C21orf91: variants seen among roughly 807,000 people sequenced by gnomAD.
The protein encoded by C21orf91 is chromosome 21 open reading frame 91.
Under a neutral mutation model 32.9 loss-of-function variants are expected in C21orf91, and 26 were observed. The ratio of observed to expected loss-of-function variants is 0.79; its 90% CI spans 0.58 to 1.10. C21orf91 has a LOEUF of 1.10. Among genes scored for constraint, C21orf91 ranks in the 50% least tolerant of loss-of-function variants. The probability of loss-of-function intolerance (pLI) is 0.00; values close to 1 mark genes in which losing one functional copy is unlikely to be tolerated. For missense variants in C21orf91, 310 were observed against 341.3 expected (o/e 0.91, Z 0.72); for synonymous variants, 126 against 120.4 (o/e 1.05, Z -0.31).
intron 4 of C21orf91, among the ~76,000 whole-genome samples, chr21:17,793,993 C>A (rs1396245706): frequency 6.6e-6 from 1 of 152,170 alleles, no homozygotes; most frequent in Non-Finnish European, 1.5e-5. Flanking sequence ...AGTTTTGAAT[C>A]CTTGTTCCTA....
chr21:17,812,543 C>G (rs1409614904), intron 2 of C21orf91, among the ~76,000 whole-genome samples: 1 of 152,182 alleles, frequency 6.6e-6, no homozygotes, highest in Non-Finnish European at 1.5e-5. Context: ...GGCGCGGTGG[C>G]TCACGCCTGT....
intron 2 of C21orf91, among the ~76,000 whole-genome samples, chr21:17,807,144 T>C (rs567600845): frequency 7.2e-5 from 11 of 152,332 alleles, no homozygotes; most frequent in Admixed American, 3.9e-4. Context: ...TCGATTTGTG[T>C]TCCCACCCAA....
chr21:17,793,599 A>G lies in C21orf91; in HGVS notation c.728-18T>C, dbSNP rs769395784. The G allele has an allele frequency of 6.4e-7, 1 of 1,574,272 alleles. No individual in the cohort carries two copies. Among genetic ancestry groups the G allele is most frequent in the South Asian group, 1.1e-5 (1 of 89,188 alleles). ...AAAAACTTCTGTAAAAGATTTAAAA[A>G]CTTTCATTTTTAGTATGCAGAAAGC... On this transcript the variant is annotated intron_variant, in intron 4 of 4. Coordinates refer to ENST00000284881, the MANE Select transcript of C21orf91 (RefSeq NM_001100420.2).
intron 2 of C21orf91, among the ~76,000 whole-genome samples, chr21:17,814,705 C>T (rs1354044867): frequency 1.3e-5 from 2 of 152,138 alleles, no homozygotes; most frequent in African/African-American, 4.8e-5. Flanking sequence ...AACTCACTCA[C>T]TGACTATCAT....
intron 2 of C21orf91, among the ~76,000 whole-genome samples, chr21:17,809,142 C>T (rs1320100863): frequency 6.6e-6 from 1 of 152,074 alleles, no homozygotes; most frequent in Non-Finnish European, 1.5e-5. Flanking sequence ...CATAAATTAC[C>T]CAGTCTCAGG....
chr21:17,818,334 A>C lies in C21orf91; in HGVS notation c.-7-9T>G. 1.3e-6 allele frequency: 2 copies of C among 1,594,648 alleles called. No homozygotes were observed. Among genetic ancestry groups the C allele is most frequent in the Non-Finnish European group, 1.7e-6 (2 of 1,170,236 alleles). On this transcript the variant is annotated splice_polypyrimidine_tract_variant and intron_variant, in intron 1 of 4. Transcript: ENST00000284881. ...CTTCGTTCATAGTGCCCCTATTAAG[A>C]AACAGAAAAGGAAAGTTACACAATT...
intron 4 of C21orf91, among the ~76,000 whole-genome samples, chr21:17,794,457 C>CA (rs1305947792): frequency 2.0e-5 from 3 of 151,970 alleles, no homozygotes; most frequent in East Asian, 1.9e-4. Flanking sequence ...TATTTATGGA[C>CA]AAAAAACAGT....
chr21:17,792,376 T>C lies in C21orf91; in HGVS notation c.*1039A>G, dbSNP rs893672017. The C allele has an allele frequency of 6.6e-6, 1 of 152,178 alleles. No homozygotes were observed. Among genetic ancestry groups the C allele is most frequent in the Admixed American group, 6.5e-5 (1 of 15,268 alleles). The allele number at this position is 152,178 out of a possible 1,614,324, so 9.4% of individuals were successfully genotyped here. ...TAAAGTTTAGAAAAATACCTCACAATGCTTTCTTTGAGCACTAAGTTCAAT... is the reference window on the plus strand; with the variant it reads ...TAAAGTTTAGAAAAATACCTCACAACGCTTTCTTTGAGCACTAAGTTCAAT... On this transcript the variant is annotated 3_prime_UTR_variant, in exon 5 of 5. Coordinates refer to ENST00000284881, the MANE Select transcript of C21orf91 (RefSeq NM_001100420.2).
At chr21:17,808,474 C>T (rs2062612490) in intron 2 of C21orf91, among the ~76,000 whole-genome samples, 1 of 152,122 alleles carries the variant, frequency 6.6e-6, no homozygotes, top group African/African-American at 2.4e-5. Flanking sequence ...ACAAAGAGTC[C>T]CCATTGTGGC....
At chr21:17,815,538 T>A (rs1466353892) in intron 2 of C21orf91, among the ~76,000 whole-genome samples, 4 of 152,194 alleles carry the variant, frequency 2.6e-5, no homozygotes, top group Non-Finnish European at 4.4e-5. Flanking sequence ...ACCTTGTTAT[T>A]TTTCTAGTAT....
intron 2 of C21orf91, among the ~76,000 whole-genome samples, chr21:17,816,571 A>C (rs2146265142): frequency 6.6e-6 from 1 of 152,354 alleles, no homozygotes; most frequent in African/African-American, 2.4e-5. Context: ...CCAGGCTTTA[A>C]AGTCCAGGAC....
chr21:17,801,419 C>T (rs551473075), intron 2 of C21orf91, among the ~76,000 whole-genome samples: 4 of 151,946 alleles, frequency 2.6e-5, no homozygotes, highest in South Asian at 2.1e-4. Flanking sequence ...TACAGGTGCC[C>T]GCCACCACGC....
rs1181814650 is a variant in C21orf91, at chr21:17,811,518, T to G, written c.127+6674A>C. On this transcript the variant is annotated intron_variant, in intron 2 of 4. Coordinates refer to ENST00000284881, the MANE Select transcript of C21orf91 (RefSeq NM_001100420.2). ...GCATGTAATAAGAAAAATTACACTT[T>G]TAGCGTCTATTATACTTCATAAAGG... 3 of 152,208 alleles carry G rather than the reference T, an allele frequency of 2.0e-5. 1 individual carries two copies. Among genetic ancestry groups the G allele is most frequent in the Non-Finnish European group, 4.4e-5 (3 of 68,012 alleles). The allele number at this position is 152,208 out of a possible 1,614,324, so 9.4% of individuals were successfully genotyped here.
At chr21:17,806,827 G>A (rs1414990264) in intron 2 of C21orf91, among the ~76,000 whole-genome samples, 1 of 151,730 alleles carries the variant, frequency 6.6e-6, no homozygotes, top group South Asian at 2.1e-4. Flanking sequence ...GCAACAAAGC[G>A]ACACTGCACT....
chr21:17,798,556 CT>C (rs1332879016), intron 2 of C21orf91, among the ~76,000 whole-genome samples: 1 of 152,154 alleles, frequency 6.6e-6, no homozygotes, highest in Non-Finnish European at 1.5e-5. Flanking sequence ...TTGCTGGAAA[CT>C]TAAACAGAAT....
chr21:17,790,805 G>A lies in C21orf91; in HGVS notation c.*2610C>T, dbSNP rs1001464743. The A allele has an allele frequency of 2.0e-5, 3 of 152,106 alleles. No individual in the cohort carries two copies. Among genetic ancestry groups the A allele is most frequent in the Admixed American group, 2.0e-4 (3 of 15,272 alleles). 9.4% of individuals were successfully genotyped at this position (152,106 alleles called of 1,614,324 possible). A position where few individuals can be genotyped will look rare whatever the true frequency, so the allele number is the denominator to read the frequency against. ...GGCTGAACTTTAAAGAGAACAACCT[G>A]TGTGGTCAAAAACACTTTTCTAATT... On this transcript the variant is annotated 3_prime_UTR_variant, in exon 5 of 5. Coordinates refer to ENST00000284881, the MANE Select transcript of C21orf91 (RefSeq NM_001100420.2).
At chr21:17,814,189 A>G (rs1329659470) in intron 2 of C21orf91, among the ~76,000 whole-genome samples, 1 of 152,150 alleles carries the variant, frequency 6.6e-6, no homozygotes, top group Non-Finnish European at 1.5e-5. Context: ...GTTACCTTAC[A>G]GTTGAGTTTC....
At chr21:17,815,833 T>C (rs1353850380) in intron 2 of C21orf91, among the ~76,000 whole-genome samples, 1 of 152,194 alleles carries the variant, frequency 6.6e-6, no homozygotes, top group Non-Finnish European at 1.5e-5. Context: ...GTTAATTTTG[T>C]ATTTTTAGTA....
rs1352601 is a variant in C21orf91 at position 17,792,773 on chromosome 21, C to T, written c.*642G>A. The T allele has an allele frequency of 0.69, 105,747 of 152,450 alleles. 37,595 individuals carry two copies. Among genetic ancestry groups the T allele is most frequent in the African/African-American group, 0.86 (35,503 of 41,508 alleles). 9.4% of individuals were successfully genotyped at this position (152,450 alleles called of 1,614,324 possible). A position where few individuals can be genotyped will look rare whatever the true frequency, so the allele number is the denominator to read the frequency against. Reference sequence around the variant, plus strand: ...TAAAAAGTTATTAATTCTTCTTTTACAAGAGGTATTAGAAATTAAAACAAC... The same window carrying T: ...TAAAAAGTTATTAATTCTTCTTTTATAAGAGGTATTAGAAATTAAAACAAC... On this transcript the variant is annotated 3_prime_UTR_variant, in exon 5 of 5. Transcript: ENST00000284881.
Sources: allele counts gnomAD v4.1 joint callset (sites outside exome capture counted in the v4.1 genomes callset), GRCh38; gene constraint gnomAD v4.1.1; transcripts MANE v1.5; gene names NCBI Gene and HGNC (gene_info 2026-07-23, HGNC 2026-07-21).